Variants in CEP89 observed in about 807,000 individuals in gnomAD.
CEP89 encodes centrosomal protein 89.
Under a neutral mutation model 97.6 loss-of-function variants are expected in CEP89, and 95 were observed. The observed-to-expected ratio is 0.97, with a 90% CI of 0.82 to 1.15. The LOEUF is 1.15. Among genes scored for constraint, CEP89 ranks in the 50% most tolerant of loss-of-function variants. The pLI is 0.00. For synonymous variants in CEP89, 354 were observed against 349.1 expected, an observed-to-expected ratio of 1.01 and a Z score of -0.16; for missense variants, 869 against 947.7, an observed-to-expected ratio of 0.92 and a Z score of 1.09.
intron 14 of CEP89, among the ~76,000 whole-genome samples, chr19:32,907,455 ATTTT>A (rs11323866): frequency 7.0e-6 from 1 of 142,098 alleles, no homozygotes; most frequent in Non-Finnish European, 1.5e-5. Flanking sequence ...TGGTTTCTCT[ATTTT>A]TTTTTTTTTT....
At chr19:32,947,784 C>A (rs1970826895) in intron 5 of CEP89, among the ~76,000 whole-genome samples, 1 of 152,168 alleles carries the variant, frequency 6.6e-6, no homozygotes, top group South Asian at 2.1e-4. Context: ...ACTGGGATTA[C>A]AGGAGCGAGC....
At chr19:32,919,406 C>G (rs886478707) in intron 12 of CEP89, among the ~76,000 whole-genome samples, 1 of 152,144 alleles carries the variant, frequency 6.6e-6, no homozygotes, top group Non-Finnish European at 1.5e-5. Context: ...TAAATAATCT[C>G]GATTTTCCAC....
At position 32,900,008 on chromosome 19, in the gene CEP89, TAC is replaced by T; in HGVS notation, c.1734-12_1734-11del. On this transcript the variant is annotated splice_polypyrimidine_tract_variant and intron_variant, in intron 15 of 18. Transcript: ENST00000305768. ...TTTCTTTTGAGATTTCCTAGAGAGT[TAC>T]CCCAAATGGTAGAATAAAAAGCCCA... 6.2e-7 allele frequency: 1 copy of T among 1,613,854 alleles called. No individual in the cohort carries two copies. The highest frequency in any genetic ancestry group is 8.5e-7 in the Non-Finnish European group (1 of 1,179,846).
intron 17 of CEP89, among the ~76,000 whole-genome samples, chr19:32,882,951 C>T (rs970275789): frequency 5.9e-5 from 9 of 152,044 alleles, no homozygotes; most frequent in Non-Finnish European, 1.2e-4. Flanking sequence ...CTCCGCCTCC[C>T]GGGTTCACAT....
At chr19:32,971,395 A>G (rs1285944406) in intron 1 of CEP89, 1 of 426,266 alleles carries the variant, frequency 2.3e-6, no homozygotes, top group Non-Finnish European at 4.2e-6. Context: ...GAAGATTGTT[A>G]ACGCCGGGCA....
At chr19:32,892,300 TTTTTCC>T (rs1454139978) in intron 16 of CEP89, among the ~76,000 whole-genome samples, 2 of 139,768 alleles carry the variant, frequency 1.4e-5, no homozygotes, top group East Asian at 4.1e-4. Context: ...TTCTTTTTTC[TTTTTCC>T]TTTTTTTTTC....
intron 4 of CEP89, among the ~76,000 whole-genome samples, chr19:32,948,698 C>T (rs1049313019): frequency 6.6e-6 from 1 of 152,134 alleles, no homozygotes; most frequent in Admixed American, 6.6e-5. Flanking sequence ...CCACTCCACC[C>T]TGGTACTGAC....
chr19:32,939,247 T>C (rs983331042), intron 6 of CEP89, among the ~76,000 whole-genome samples: 2 of 151,822 alleles, frequency 1.3e-5, no homozygotes, highest in African/African-American at 4.8e-5. Flanking sequence ...GGAGATCCTG[T>C]CTCAAAAAAT....
chr19:32,890,630 C>T (rs1057490020), intron 16 of CEP89, among the ~76,000 whole-genome samples: 58 of 152,226 alleles, frequency 3.8e-4, no homozygotes, highest in African/African-American at 1.3e-3. Context: ...GGGTCTTGGT[C>T]GGGAGCCTGG....
At chr19:32,902,394 TTAAC>T (rs1342369873) in intron 14 of CEP89, among the ~76,000 whole-genome samples, 5 of 152,232 alleles carry the variant, frequency 3.3e-5, no homozygotes, top group African/African-American at 1.2e-4. Flanking sequence ...GAAAACTTAT[TTAAC>T]TATTATTTTA....
At chr19:32,898,736 G>C (rs1969697650) in intron 16 of CEP89, among the ~76,000 whole-genome samples, 1 of 152,006 alleles carries the variant, frequency 6.6e-6, no homozygotes, top group South Asian at 2.1e-4. Context: ...ACAAAACCTA[G>C]CCAGGTGTGG....
chr19:32,879,498 G>T (rs1221135010), intron 18 of CEP89, 120 bp from the exon 19 acceptor site: 12 of 799,840 alleles, frequency 1.5e-5, no homozygotes, highest in Non-Finnish European at 1.8e-5. Context: ...AGCCCTCGGT[G>T]CCTGGGTTCT....
intron 2 of CEP89, among the ~76,000 whole-genome samples, chr19:32,964,707 A>G (rs1452318817): frequency 3.9e-5 from 6 of 152,188 alleles, no homozygotes; most frequent in Non-Finnish European, 8.8e-5. Flanking sequence ...AATTCTAGAA[A>G]ATACAAGCTA....
At chr19:32,926,128 A>C in intron 11 of CEP89, 62 bp downstream of exon 11, 2 of 1,204,382 alleles carry the variant, frequency 1.7e-6, no homozygotes, top group South Asian at 2.5e-5. Flanking sequence ...TGTTTTTATA[A>C]AATTTGAAGC....
At chr19:32,907,513 G>A (rs150945193) in intron 14 of CEP89, among the ~76,000 whole-genome samples, 1,745 of 150,212 alleles carry the variant, frequency 0.012, 22 homozygotes, top group Non-Finnish European at 0.017. Context: ...GTGCAATGGC[G>A]TGATATTGGC....
At chr19:32,922,543 T>C (rs1278769677) in intron 12 of CEP89, among the ~76,000 whole-genome samples, 1 of 147,778 alleles carries the variant, frequency 6.8e-6, no homozygotes, top group South Asian at 2.2e-4. Context: ...ACCCTAACTC[T>C]AAAAAAACAT....
At chr19:32,926,698 A>G (rs1970365726) in intron 10 of CEP89, among the ~76,000 whole-genome samples, 1 of 152,144 alleles carries the variant, frequency 6.6e-6, no homozygotes, top group South Asian at 2.1e-4. Context: ...AGTAGCTGGG[A>G]CTATAGGCAT....
At position 32,931,447 on chromosome 19, in the gene CEP89, C is replaced by G; in HGVS notation, c.1011G>C (p.Arg337Ser). The change falls in exon 9 of 19, where the codon AGG becomes AGC. Residue 337 changes from arginine to serine, a missense_variant. By Grantham distance (110) the Arg-to-Ser change is moderately radical (BLOSUM62 -1). Transcript: ENST00000305768. ...ACGTTACCTCTTCCTTGGACAAATG[C>G]CTGAATTTTGTCTGATATCGACTGA... The part of the protein sequence containing the change: ...VELSRYQTKF[R>S]HLSKEESLNI... 1 of 1,582,202 alleles carries G rather than the reference C, an allele frequency of 6.3e-7. No individual in the cohort carries two copies. The highest frequency in any genetic ancestry group is 2.0e-5 in the Admixed American group (1 of 49,602).
intron 3 of CEP89, among the ~76,000 whole-genome samples, chr19:32,958,089 T>A (rs1364766738): frequency 2.0e-5 from 3 of 151,018 alleles, no homozygotes; most frequent in Non-Finnish European, 2.9e-5. Flanking sequence ...CCTCTGATGG[T>A]CTTACGTGCT....
Sources: allele counts gnomAD v4.1 joint callset (sites outside exome capture counted in the v4.1 genomes callset), GRCh38; gene constraint gnomAD v4.1.1; transcripts MANE v1.5; gene names NCBI Gene and HGNC (gene_info 2026-07-23, HGNC 2026-07-21).